Variants in DOCK1 observed in about 807,000 individuals in gnomAD.
DOCK1 encodes dedicator of cytokinesis protein 1.
Under a neutral mutation model 262.7 loss-of-function variants are expected in DOCK1, and 138 were observed. The observed-to-expected ratio is 0.53, with a 90% CI of 0.46 to 0.61. The LOEUF is 0.61. Among genes scored for constraint, DOCK1 ranks in the 20% least tolerant of loss-of-function variants. The pLI is 0.00. For synonymous variants in DOCK1, 866 were observed against 867.4 expected, an observed-to-expected ratio of 1.00 and a Z score of 0.03; for missense variants, 1,908 against 2,370.7, an observed-to-expected ratio of 0.80 and a Z score of 4.05.
chr10:127,337,674 T>C (rs1400825646), intron 29 of DOCK1, among the ~76,000 whole-genome samples: 1 of 152,206 alleles, frequency 6.6e-6, no homozygotes, highest in African/African-American at 2.4e-5. Context: ...TAATTCCTCC[T>C]TTCTGGTTAT....
Position 127,439,242 on chromosome 10 carries a change from T to G in DOCK1, c.5259+17T>G. ...TCGGAAACGGTAACCCGACAGGGTA[T>G]CTTTCCTCGCTCTGCGGTAGCTTCA... is the stretch of plus-strand genomic sequence containing the variant. On this transcript the variant is annotated intron_variant, in intron 49 of 51. Coordinates refer to ENST00000623213, the MANE Select transcript of DOCK1 (RefSeq NM_001290223.2). 2 of 1,598,848 alleles carry G rather than the reference T, an allele frequency of 1.3e-6. No homozygotes were observed.
intron 47 of DOCK1, among the ~76,000 whole-genome samples, chr10:127,429,447 A>G (rs772435985): frequency 2.6e-5 from 4 of 152,096 alleles, no homozygotes; most frequent in Non-Finnish European, 4.4e-5. Context: ...GAAACTTGCA[A>G]TCATCTCAGA....
intron 23 of DOCK1, among the ~76,000 whole-genome samples, chr10:127,080,542 C>T (rs148971544): frequency 2.6e-3 from 402 of 152,076 alleles, no homozygotes; most frequent in African/African-American, 9.1e-3. Flanking sequence ...GAAAATGTCA[C>T]GTCGCCTGGA....
At chr10:126,908,823 T>G (rs779537100) in intron 1 of DOCK1, among the ~76,000 whole-genome samples, 1 of 152,106 alleles carries the variant, frequency 6.6e-6, no homozygotes, top group African/African-American at 2.4e-5. Flanking sequence ...CAGTAGGCAG[T>G]TTTATGTCCC....
At chr10:127,436,513 T>C (rs906068826) in intron 48 of DOCK1, among the ~76,000 whole-genome samples, 17 of 152,074 alleles carry the variant, frequency 1.1e-4, no homozygotes, top group Admixed American at 6.6e-5. Context: ...AGTGAGACTC[T>C]GTTTCAGAAA....
In DOCK1 at chr10:127,110,667, G is replaced by T. The variant is rs143188105; in HGVS notation, c.2623+313G>T. Among the ~76,000 whole-genome samples, 264 of 152,194 alleles carry T rather than the reference G, an allele frequency of 1.7e-3. 2 individuals carry two copies. Among genetic ancestry groups the T allele is most frequent in the African/African-American group, 5.8e-3 (239 of 41,516 alleles). ...TCTGTCCTGGGGAGGCAATCACTTCGCTCCATTGTGATGATTGCAAGGAAA... is the reference window on the plus strand; with the variant it reads ...TCTGTCCTGGGGAGGCAATCACTTCTCTCCATTGTGATGATTGCAAGGAAA... On this transcript the variant is annotated intron_variant, in intron 25 of 51. Coordinates refer to ENST00000623213, the MANE Select transcript of DOCK1 (RefSeq NM_001290223.2).
At chr10:127,005,066 G>A (rs1157083681) in intron 10 of DOCK1, among the ~76,000 whole-genome samples, 2 of 152,128 alleles carry the variant, frequency 1.3e-5, no homozygotes, top group African/African-American at 4.8e-5. Flanking sequence ...GTCGGGTGCA[G>A]TGGCTCACAC....
intron 27 of DOCK1, among the ~76,000 whole-genome samples, chr10:127,203,920 C>G (rs1246000898): frequency 6.8e-6 from 1 of 147,552 alleles, no homozygotes; most frequent in Non-Finnish European, 1.5e-5. Context: ...TTTTGAGATT[C>G]AAAGAAAGGC....
intron 1 of DOCK1, among the ~76,000 whole-genome samples, chr10:126,913,876 C>T (rs1198762785): frequency 2.0e-5 from 3 of 152,186 alleles, no homozygotes; most frequent in Non-Finnish European, 4.4e-5. Flanking sequence ...TCTTATTAGG[C>T]ATGTCACCTT....
chr10:127,442,476 T>A (rs771898354), intron 49 of DOCK1, among the ~76,000 whole-genome samples: 5 of 152,154 alleles, frequency 3.3e-5, no homozygotes, highest in African/African-American at 1.2e-4. Context: ...TTGTAACTGC[T>A]CCTGTTCCCC....
At chr10:127,251,642 TG>T (rs1367708044) in intron 28 of DOCK1, among the ~76,000 whole-genome samples, 1 of 149,918 alleles carries the variant, frequency 6.7e-6, no homozygotes, top group African/African-American at 2.4e-5. Flanking sequence ...TTTGGTTTTT[TG>T]TCCTTGCAAT....
intron 27 of DOCK1, among the ~76,000 whole-genome samples, chr10:127,214,214 A>G (rs1204495901): frequency 3.3e-5 from 5 of 152,010 alleles, no homozygotes; most frequent in South Asian, 2.1e-4. Context: ...AGAGATGACA[A>G]ATCATTCAGT....
chr10:127,438,916 A>G, intron 48 of DOCK1, 111 bp from the exon 49 acceptor site: 1 of 1,192,074 alleles, frequency 8.4e-7, no homozygotes, highest in Non-Finnish European at 1.2e-6. Flanking sequence ...TCCCTTTTAA[A>G]TCACTGCTTT....
At chr10:127,259,476 G>A (rs2059940087) in intron 29 of DOCK1, among the ~76,000 whole-genome samples, 1 of 152,168 alleles carries the variant, frequency 6.6e-6, no homozygotes, top group Non-Finnish European at 1.5e-5. Flanking sequence ...CGCTGTCCTG[G>A]AGCCATAGAT....
At chr10:127,239,576 CAAT>C (rs1460310401) in intron 27 of DOCK1, among the ~76,000 whole-genome samples, 1 of 152,090 alleles carries the variant, frequency 6.6e-6, no homozygotes, top group Admixed American at 6.5e-5. Flanking sequence ...TCATTTATAA[CAAT>C]GATAATTGTA....
intron 18 of DOCK1, among the ~76,000 whole-genome samples, chr10:127,032,986 A>G (rs1035417472): frequency 6.6e-6 from 1 of 152,224 alleles, no homozygotes; most frequent in African/African-American, 2.4e-5. Context: ...GAATCGGACC[A>G]TAGCCCTGTG....
At chr10:126,975,214 A>T (rs1201085566) in intron 2 of DOCK1, among the ~76,000 whole-genome samples, 1 of 151,908 alleles carries the variant, frequency 6.6e-6, no homozygotes, top group African/African-American at 2.4e-5. Context: ...TCGTGTGCAC[A>T]TTTCATGTTT....
chr10:127,227,478 G>C (rs2058686984), intron 27 of DOCK1, among the ~76,000 whole-genome samples: 1 of 152,200 alleles, frequency 6.6e-6, no homozygotes, highest in South Asian at 2.1e-4. Context: ...ATGGGCCGTA[G>C]CCTCTAGCCT....
rs773312920 is a variant in DOCK1 at position 127,248,099 on chromosome 10, C to T, written c.2939C>T (p.Thr980Ile). The T allele has an allele frequency of 4.3e-6, 7 of 1,613,716 alleles. No homozygotes were observed. The highest frequency in any genetic ancestry group is 5.9e-6 in the Non-Finnish European group (7 of 1,179,792). Residue 980 changes from threonine to isoleucine, a missense_variant, in exon 28 of 52, where the codon ACT becomes ATT. Transcript: ENST00000623213. ...ATCAAGACTTTTGGGAAAATGAGGA[C>T]TGATGTGGTAGTAAGTGTCCCTTTC... ...HLIKTFGKMR[T>I]DVVDFLMETF...
Sources: gnomAD v4.1 joint callset for allele counts (sites outside exome capture counted in the v4.1 genomes callset) on GRCh38, gnomAD v4.1.1 for gene constraint, MANE v1.5 for transcripts, NCBI Gene and HGNC (gene_info 2026-07-23, HGNC 2026-07-21) for gene names.